The following VAT1L variants were observed in gnomAD, a reference collection of about 807,000 sequenced individuals.
VAT1L encodes putative NADPH-dependent quinone oxidoreductase VAT1L.
A neutral mutation model predicts 44.1 loss-of-function variants in VAT1L; 34 were observed. The ratio of observed to expected loss-of-function variants is 0.77; its 90% CI spans 0.59 to 1.03. The LOEUF (loss-of-function observed/expected upper bound fraction) is 1.03, where lower values mean the gene tolerates loss of function less well. Ranked by LOEUF, VAT1L falls within the 50% of genes least tolerant of loss-of-function variation. The pLI is 0.00. For synonymous variants in VAT1L, 253 were observed against 202.2 expected (o/e 1.25, Z -2.13); for missense variants, 615 against 538.8 (o/e 1.14, Z -1.40).
At chr16:77,959,251 A>G (rs910630312) in intron 7 of VAT1L, among the ~76,000 whole-genome samples, 9 of 152,218 alleles carry the variant, frequency 5.9e-5, no homozygotes, top group Non-Finnish European at 1.5e-5. Context: ...GGTTCCTGAC[A>G]TTCTACTTTT....
chr16:77,956,640 T>G (rs2018106646), intron 7 of VAT1L, among the ~76,000 whole-genome samples: 1 of 152,210 alleles, frequency 6.6e-6, no homozygotes, highest in African/African-American at 2.4e-5. Flanking sequence ...TCTCATATTA[T>G]TACATTCTTA....
At chr16:77,830,979 TG>T (rs2016572799) in intron 3 of VAT1L, among the ~76,000 whole-genome samples, 1 of 152,206 alleles carries the variant, frequency 6.6e-6, no homozygotes, top group Admixed American at 6.5e-5. Flanking sequence ...CCACCGCATC[TG>T]GCCAAACCTC....
chr16:77,839,657 T>G (rs2016683216), intron 3 of VAT1L, among the ~76,000 whole-genome samples: 1 of 145,428 alleles, frequency 6.9e-6, no homozygotes, highest in Non-Finnish European at 1.5e-5. Context: ...GAAATGACAG[T>G]AAGTGATTGG....
intron 7 of VAT1L, among the ~76,000 whole-genome samples, chr16:77,932,546 C>A (rs901536752): frequency 2.6e-5 from 4 of 152,198 alleles, no homozygotes; most frequent in African/African-American, 9.6e-5. Context: ...TCACTGAATA[C>A]AAGTTCACAA....
intron 1 of VAT1L, chr16:77,801,402 CA>C (rs1369364668): frequency 1.3e-5 from 2 of 152,124 alleles, no homozygotes; most frequent in Non-Finnish European, 2.9e-5. Context: ...GAACGTTCCG[CA>C]ATAAGAAACA....
At chr16:77,903,561 T>G (rs956143138) in intron 7 of VAT1L, among the ~76,000 whole-genome samples, 2 of 152,156 alleles carry the variant, frequency 1.3e-5, no homozygotes, top group East Asian at 1.9e-4. Context: ...AATGGAAAAA[T>G]CACAGGCCCA....
chr16:77,810,322 A>G (rs988865581), intron 1 of VAT1L, among the ~76,000 whole-genome samples: 2 of 152,192 alleles, frequency 1.3e-5, no homozygotes, highest in African/African-American at 4.8e-5. Flanking sequence ...CCCCAGATCT[A>G]CTTGAGTCCA....
At chr16:77,887,300 C>A (rs2017218893) in intron 7 of VAT1L, among the ~76,000 whole-genome samples, 2 of 152,170 alleles carry the variant, frequency 1.3e-5, no homozygotes, top group South Asian at 4.1e-4. Flanking sequence ...CAGCAGGGGG[C>A]TGCTATAGGT....
At chr16:77,909,956 T>G (rs2017481402) in intron 7 of VAT1L, among the ~76,000 whole-genome samples, 1 of 152,134 alleles carries the variant, frequency 6.6e-6, no homozygotes, top group African/African-American at 2.4e-5. Flanking sequence ...ATAGAAGAAT[T>G]CAGTTTGAAA....
chr16:77,806,862 AGACATG>A (rs1402052910), intron 1 of VAT1L, among the ~76,000 whole-genome samples: 2 of 152,120 alleles, frequency 1.3e-5, no homozygotes, highest in African/African-American at 4.8e-5. Flanking sequence ...GGAGAAATCA[AGACATG>A]GCCACTCTGT....
At position 77,841,435 on chromosome 16, in the gene VAT1L, C is replaced by T. The variant is rs189746050; in HGVS notation, c.579+15974C>T. On this transcript the variant is annotated intron_variant, in intron 3 of 8. Coordinates refer to ENST00000302536, the MANE Select transcript of VAT1L (RefSeq NM_020927.3). ...AAATGTTCATATATAACTCTCTCAT[C>T]GGGCAGGAATGCCTGGGTGTATTTC... 5.9e-5 allele frequency among the ~76,000 whole-genome samples: 9 copies of T among 152,306 alleles called. No homozygotes were observed. The East Asian group carries it at 7.7e-4, about 13-fold the overall frequency.
intron 4 of VAT1L, among the ~76,000 whole-genome samples, chr16:77,869,227 C>T (rs781267194): frequency 3.0e-4 from 46 of 152,080 alleles, no homozygotes; most frequent in Admixed American, 6.5e-4. Context: ...AAGATGAGAC[C>T]AAGACGTCTT....
At chr16:77,801,736 C>A (rs374046222) in intron 1 of VAT1L, 11 of 151,722 alleles carry the variant, frequency 7.3e-5, no homozygotes, top group African/African-American at 2.7e-4. Context: ...AAAAAAGCAT[C>A]CCTCATCTAG....
chr16:77,876,411 G>T lies in VAT1L; in HGVS notation c.764G>T (p.Cys255Phe). ...GTGGACATCGTTTTGGATTGCCTCT[G>T]TGGGGACAACACTGGAAAAGGTCTC... ...EGVDIVLDCL[C>F]GDNTGKGLSL... Residue 255 changes from cysteine (C) to phenylalanine (F), a missense_variant, in exon 5 of 9, where the codon TGT (cysteine) becomes TTT (phenylalanine). Transcript: ENST00000302536. 6.2e-7 allele frequency: 1 copy of T among 1,614,186 alleles called. No individual in the cohort carries two copies. The highest frequency in any genetic ancestry group is 1.1e-5 in the South Asian group (1 of 91,080).
chr16:77,932,541 G>T (rs409427), intron 7 of VAT1L, among the ~76,000 whole-genome samples: 146,186 of 152,306 alleles, frequency 0.96, 70,345 homozygotes, highest in East Asian at 1. Context: ...ATATCTCACT[G>T]AATACAAGTT....
intron 7 of VAT1L, among the ~76,000 whole-genome samples, chr16:77,937,187 G>T (rs888251214): frequency 6.6e-6 from 1 of 152,146 alleles, no homozygotes; most frequent in African/African-American, 2.4e-5. Context: ...TGCCCAACCT[G>T]AGGGTTTTGA....
intron 1 of VAT1L, among the ~76,000 whole-genome samples, chr16:77,794,852 C>G (rs948912265): frequency 2.0e-5 from 3 of 152,136 alleles, no homozygotes; most frequent in African/African-American, 7.2e-5. Context: ...GAAGTGCTAG[C>G]TCGGGTCATT....
Position 77,945,294 on chromosome 16 carries a change from TGAGA to T in VAT1L, c.1078-26549_1078-26546del, listed in dbSNP as rs772252103. Among the ~76,000 whole-genome samples the T allele has an allele frequency of 2.7e-3, 401 of 147,454 alleles. 7 individuals carry two copies. Among genetic ancestry groups the T allele is most frequent in the Non-Finnish European group, 4.5e-3 (298 of 66,890 alleles). On this transcript the variant is annotated intron_variant, in intron 7 of 8. Transcript: ENST00000302536. Reference sequence around the variant, plus strand: ...ATTGCAGAACTTTTTTTTTTTTTTTTGAGAGAGAGAAAGAGTGTGTCTCACTCTG... The same window carrying T: ...ATTGCAGAACTTTTTTTTTTTTTTTTGAGAGAAAGAGTGTGTCTCACTCTG...
intron 7 of VAT1L, among the ~76,000 whole-genome samples, chr16:77,938,518 G>A (rs1042881874): frequency 1.3e-5 from 2 of 152,106 alleles, no homozygotes; most frequent in African/African-American, 4.8e-5. Context: ...ATTCCCTCTT[G>A]GTACTGTACA....
Sources: allele counts gnomAD v4.1 joint callset (sites outside exome capture counted in the v4.1 genomes callset), GRCh38; gene constraint gnomAD v4.1.1; transcripts MANE v1.5; gene names NCBI Gene and HGNC (gene_info 2026-07-23, HGNC 2026-07-21).